CSMD2: variants seen among roughly 807,000 people sequenced by gnomAD.
The protein encoded by CSMD2 is CUB and sushi domain-containing protein 2.
CSMD2 carries 130 observed loss-of-function variants against 398.5 expected under a neutral mutation model. That is an observed-to-expected ratio of 0.33 (90% CI 0.28 to 0.38). The LOEUF (loss-of-function observed/expected upper bound fraction) is 0.38, where lower values mean the gene tolerates loss of function less well. CSMD2 is among the 10% of genes least tolerant of loss of function. The probability of loss-of-function intolerance (pLI) is 1.00; values close to 1 mark genes in which losing one functional copy is unlikely to be tolerated. For missense variants in CSMD2, 3,829 were observed against 4,764.9 expected (o/e 0.80, Z 5.78); for synonymous variants, 1,828 against 1,908.5 (o/e 0.96, Z 1.10).
At chr1:33,958,963 T>G (rs1645258653) in intron 3 of CSMD2, among the ~76,000 whole-genome samples, 1 of 152,220 alleles carries the variant, frequency 6.6e-6, no homozygotes, top group African/African-American at 2.4e-5. Context: ...CACAAGGCCC[T>G]CGCCATGCTG....
chr1:33,720,493 G>A (rs1391417425), intron 19 of CSMD2, among the ~76,000 whole-genome samples: 3 of 152,184 alleles, frequency 2.0e-5, no homozygotes, highest in African/African-American at 4.8e-5. Context: ...CAACGGCAGA[G>A]ATTCCCATTC....
chr1:33,825,493 A>C (rs10914785), intron 7 of CSMD2, among the ~76,000 whole-genome samples: 104,823 of 152,268 alleles, frequency 0.69, 37,338 homozygotes, highest in African/African-American at 0.89. Flanking sequence ...GAAAATGGGA[A>C]GAGGAGGAGG....
At chr1:33,895,453 T>C (rs1642317328) in intron 5 of CSMD2, among the ~76,000 whole-genome samples, 3 of 152,096 alleles carry the variant, frequency 2.0e-5, no homozygotes, top group Admixed American at 6.5e-5. Context: ...AAATTGGTAG[T>C]AGAGCGGATG....
At chr1:34,089,308 T>A in intron 1 of CSMD2, 115 bp from the exon 2 acceptor site, 1 of 986,356 alleles carries the variant, frequency 1.0e-6, no homozygotes, top group South Asian at 1.5e-5. Context: ...GTGCTTCCCA[T>A]GAGCCAGCCC....
intron 5 of CSMD2, among the ~76,000 whole-genome samples, chr1:33,853,021 G>T (rs970788333): frequency 6.6e-6 from 1 of 152,190 alleles, no homozygotes; most frequent in Non-Finnish European, 1.5e-5. Context: ...GATGTAGTTG[G>T]TTGGTAAATA....
intron 25 of CSMD2, among the ~76,000 whole-genome samples, chr1:33,680,918 CTTTTT>C (rs66489770): frequency 6.6e-5 from 5 of 75,932 alleles, no homozygotes; most frequent in Non-Finnish European, 9.0e-5. Flanking sequence ...CTGTTTTATG[CTTTTT>C]TTTTTTTTTT....
rs1158310274 is a variant in CSMD2, at chr1:33,624,990, T to C, written c.5500+61A>G. 3 of 1,537,948 alleles carry C rather than the reference T, an allele frequency of 2.0e-6. No individual in the cohort carries two copies. Among genetic ancestry groups the C allele is most frequent in the Middle Eastern group, 1.9e-4 (1 of 5,340 alleles). On this transcript the variant is annotated intron_variant, in intron 34 of 70. Coordinates refer to ENST00000373381, the MANE Select transcript of CSMD2 (RefSeq NM_001281956.2). The surrounding 1 kb of genome is among the most constrained non-coding windows in gnomAD (Gnocchi z 4.7). ...CATCACTGGGGCTGACTGCCTCCCC[T>C]ACAGAGAAAGGACTACGTGCCGCCC...
intron 1 of CSMD2, among the ~76,000 whole-genome samples, chr1:34,109,873 A>G (rs1017389318): frequency 6.6e-6 from 1 of 151,802 alleles, no homozygotes; most frequent in Non-Finnish European, 1.5e-5. Flanking sequence ...CCCCGTCTCT[A>G]CTAAAAATAC....
chr1:33,672,356 G>A (rs866710935), intron 25 of CSMD2, among the ~76,000 whole-genome samples: 7 of 152,126 alleles, frequency 4.6e-5, no homozygotes, highest in South Asian at 2.1e-4. Flanking sequence ...CTACGCCCAC[G>A]GAGCCTTGCT....
At chr1:33,766,246 T>C (rs988263503) in intron 13 of CSMD2, among the ~76,000 whole-genome samples, 3 of 152,186 alleles carry the variant, frequency 2.0e-5, no homozygotes, top group Non-Finnish European at 4.4e-5. Context: ...CCCTTTTGCA[T>C]AGGCCCAAAC....
intron 25 of CSMD2, among the ~76,000 whole-genome samples, chr1:33,666,392 T>C (rs909366833): frequency 2.6e-5 from 4 of 152,208 alleles, no homozygotes; most frequent in Non-Finnish European, 5.9e-5. Context: ...CAAAGTTTTA[T>C]GTTTTTCATC....
At chr1:33,692,875 A>T in intron 25 of CSMD2, 55 bp downstream of exon 25, 1 of 1,597,382 alleles carries the variant, frequency 6.3e-7, no homozygotes. Flanking sequence ...GATGATGCTG[A>T]TGATGGCTCC....
chr1:33,783,543 C>T (rs12141098), intron 12 of CSMD2, among the ~76,000 whole-genome samples: 40 of 151,522 alleles, frequency 2.6e-4, no homozygotes, highest in East Asian at 9.8e-4. Context: ...CTACAAGCCA[C>T]GAAGAAAGCC....
chr1:33,939,712 C>T (rs891602992), intron 3 of CSMD2, among the ~76,000 whole-genome samples: 1 of 152,168 alleles, frequency 6.6e-6, no homozygotes, highest in South Asian at 2.1e-4. Context: ...ACCACTCTGA[C>T]CTGATGCTTC....
upstream of CSMD2, chr1:34,165,279 A>G (rs1254662683): frequency 2.0e-5 from 24 of 1,187,332 alleles, no homozygotes; most frequent in Non-Finnish European, 2.3e-5. Context: ...GCTCTCGGAA[A>G]TGACTCGCTC....
At chr1:34,038,795 C>A (rs1029529693) in intron 2 of CSMD2, among the ~76,000 whole-genome samples, 4 of 152,172 alleles carry the variant, frequency 2.6e-5, no homozygotes, top group African/African-American at 9.7e-5. Flanking sequence ...AATTTGAAAT[C>A]AATAATAAAA....
intron 24 of CSMD2, among the ~76,000 whole-genome samples, chr1:33,697,332 A>G (rs545044464): frequency 9.3e-4 from 142 of 152,240 alleles, no homozygotes; most frequent in African/African-American, 3.3e-3. Flanking sequence ...TTCCTGGCAC[A>G]TGAATGAGGG....
intron 15 of CSMD2, among the ~76,000 whole-genome samples, chr1:33,733,766 T>C (rs1180279245): frequency 5.3e-5 from 8 of 152,208 alleles, no homozygotes; most frequent in Admixed American, 5.2e-4. Flanking sequence ...CTCTTTTGCC[T>C]TTCACCATGA....
At chr1:34,127,195 C>A (rs1662839640) in intron 1 of CSMD2, among the ~76,000 whole-genome samples, 1 of 152,150 alleles carries the variant, frequency 6.6e-6, no homozygotes, top group Admixed American at 6.5e-5. Flanking sequence ...ATCCGACCCC[C>A]CAGGTCCCCA....
Sources: gnomAD v4.1 joint callset for allele counts (sites outside exome capture counted in the v4.1 genomes callset) on GRCh38, gnomAD v4.1.1 for gene constraint, Gnocchi (gnomAD v3.1) non-coding constraint, MANE v1.5 for transcripts, NCBI Gene and HGNC (gene_info 2026-07-23, HGNC 2026-07-21) for gene names.